The following TTC17 variants were observed in gnomAD, a reference collection of about 807,000 sequenced individuals.
TTC17 encodes tetratricopeptide repeat protein 17.
TTC17 carries 58 observed loss-of-function variants against 143.8 expected under a neutral mutation model. That is an observed-to-expected ratio of 0.40 (90% CI 0.33 to 0.50). The LOEUF is 0.50. Ranked by LOEUF, TTC17 falls within the 20% of genes least tolerant of loss-of-function variation. The probability of loss-of-function intolerance (pLI) is 0.49; values close to 1 mark genes in which losing one functional copy is unlikely to be tolerated. For missense variants in TTC17, 1,273 were observed against 1,392.5 expected, an observed-to-expected ratio of 0.91 and a Z score of 1.37; for synonymous variants, 501 against 497.8, an observed-to-expected ratio of 1.01 and a Z score of -0.09.
Position 43,358,998 on chromosome 11 carries a change from C to T in TTC17, c.44C>T (p.Pro15Leu). The T allele has an allele frequency of 2.5e-6, 4 of 1,585,692 alleles. No individual in the cohort carries two copies. Among genetic ancestry groups the T allele is most frequent in the South Asian group, 2.3e-5 (2 of 88,268 alleles). Residue 15 changes from proline to leucine, a missense_variant, in exon 1 of 24, where the codon CCT (proline) becomes CTT (leucine). Around this residue, in one of 3 missense-constraint regions of TTC17, gnomAD observed 70 missense variants for 48.5 expected, o/e 1.44. Coordinates refer to ENST00000039989, the MANE Select transcript of TTC17 (RefSeq NM_018259.6). ...GTTCGTGGCCGGTACGAGCTGCCGCCTTGCTCCGGCCCAGGCTGGCTCCTC... is the reference window on the plus strand; with the variant it reads ...GTTCGTGGCCGGTACGAGCTGCCGCTTTGCTCCGGCCCAGGCTGGCTCCTC... ...VGVRGRYELP[P>L]CSGPGWLLSL... is the part of the protein sequence containing the mutation.
At chr11:43,459,385 T>G (rs959808778) in intron 21 of TTC17, among the ~76,000 whole-genome samples, 9 of 152,254 alleles carry the variant, frequency 5.9e-5, no homozygotes, top group African/African-American at 1.7e-4. Context: ...GAGCTGTCTT[T>G]CCTTTTCCAT....
intron 21 of TTC17, among the ~76,000 whole-genome samples, chr11:43,464,574 G>T (rs1314776410): frequency 6.6e-6 from 1 of 152,088 alleles, no homozygotes; most frequent in Non-Finnish European, 1.5e-5. Context: ...TACAGATAAA[G>T]GGATTTTAAA....
intron 1 of TTC17, among the ~76,000 whole-genome samples, chr11:43,372,179 T>A (rs1022691915): frequency 1.3e-5 from 2 of 152,240 alleles, no homozygotes; most frequent in Non-Finnish European, 2.9e-5. Flanking sequence ...TTGATTCAAC[T>A]GTTCTGGAGA....
intron 21 of TTC17, among the ~76,000 whole-genome samples, chr11:43,488,050 G>C (rs1948410205): frequency 6.6e-6 from 1 of 152,098 alleles, no homozygotes; most frequent in Admixed American, 6.5e-5. Flanking sequence ...TATGAATTTT[G>C]GGGGAACATA....
chr11:43,464,886 G>A (rs1947940768), intron 21 of TTC17, among the ~76,000 whole-genome samples: 1 of 152,160 alleles, frequency 6.6e-6, no homozygotes, highest in African/African-American at 2.4e-5. Context: ...ACAGAGATGT[G>A]AGCCTAGTAC....
At chr11:43,435,086 GATA>G in intron 16 of TTC17, 1 of 117,622 alleles carries the variant, frequency 8.5e-6, no homozygotes, top group Non-Finnish European at 1.8e-5. Context: ...ATGATAGATA[GATA>G]GATAGATAGA....
chr11:43,493,576 A>G (rs1350565695), intron 23 of TTC17, among the ~76,000 whole-genome samples, 197 bp from the exon 24 acceptor site: 5 of 152,048 alleles, frequency 3.3e-5, no homozygotes, highest in Non-Finnish European at 7.4e-5. Flanking sequence ...CCCATACCTC[A>G]TTCCCATACC....
chr11:43,405,290 A>C (rs771001754), intron 11 of TTC17, among the ~76,000 whole-genome samples: 48 of 152,090 alleles, frequency 3.2e-4, no homozygotes, highest in Non-Finnish European at 1.3e-4. Context: ...TCACTGGCTC[A>C]ACTGGCTTAT....
At chr11:43,382,318 G>C (rs1857001330) in intron 2 of TTC17, among the ~76,000 whole-genome samples, 1 of 152,114 alleles carries the variant, frequency 6.6e-6, no homozygotes, top group Non-Finnish European at 1.5e-5. Flanking sequence ...AAACCTAGTG[G>C]AAGTTCATAG....
At position 43,405,852 on chromosome 11, in the gene TTC17, A is replaced by G; in HGVS notation, c.1662A>G (p.Ile554Met). The change falls in exon 13 of 24, where the codon ATA becomes ATG. Residue 554 changes from isoleucine to methionine, a missense_variant. Ile to Met is a conservative substitution (Grantham distance 10). Around this residue, in one of 3 missense-constraint regions of TTC17, gnomAD observed 878 missense variants for 899.8 expected, o/e 0.98. Coordinates refer to ENST00000039989, the MANE Select transcript of TTC17 (RefSeq NM_018259.6). ...EEEAQTPDCSITDFRKSHTLS... is the reference protein window; with the variant it reads ...EEEAQTPDCSMTDFRKSHTLS... The stretch of plus-strand genomic sequence containing the variant: ...AGGCCCAAACCCCTGACTGTTCCAT[A>G]ACTGACTTCAGAAAAAGCCACACTC... 1 of 1,614,022 alleles carries G rather than the reference A, an allele frequency of 6.2e-7. No individual in the cohort carries two copies. Among genetic ancestry groups the G allele is most frequent in the Non-Finnish European group, 8.5e-7 (1 of 1,179,932 alleles).
intron 2 of TTC17, 92 bp from the exon 3 acceptor site, chr11:43,389,560 G>A: frequency 7.6e-7 from 1 of 1,323,832 alleles, no homozygotes; most frequent in Non-Finnish European, 1.0e-6. Context: ...AGAGGATTCT[G>A]ACTTCTTCAG....
chr11:43,429,807 A>G (rs1404309881), intron 16 of TTC17, among the ~76,000 whole-genome samples: 1 of 152,210 alleles, frequency 6.6e-6, no homozygotes, highest in Non-Finnish European at 1.5e-5. Flanking sequence ...TGATGTCTGT[A>G]TTTTCCACAT....
intron 15 of TTC17, among the ~76,000 whole-genome samples, chr11:43,408,126 A>G (rs1460712038): frequency 6.6e-6 from 1 of 152,172 alleles, no homozygotes; most frequent in African/African-American, 2.4e-5. Context: ...ATATTTTAAC[A>G]TCTCTGATAT....
At chr11:43,473,846 GCA>G (rs1453589841) in intron 21 of TTC17, among the ~76,000 whole-genome samples, 4 of 147,866 alleles carry the variant, frequency 2.7e-5, no homozygotes, top group Admixed American at 6.9e-5. Flanking sequence ...TTGCACCCCT[GCA>G]CTTCAGCCTG....
intron 21 of TTC17, among the ~76,000 whole-genome samples, chr11:43,470,929 A>C (rs1419230105): frequency 6.6e-6 from 1 of 152,216 alleles, no homozygotes; most frequent in Non-Finnish European, 1.5e-5. Context: ...AAGGGTCCCC[A>C]TGTTCTTTTA....
intron 1 of TTC17, among the ~76,000 whole-genome samples, chr11:43,365,277 A>AT (rs1388360211): frequency 1.3e-5 from 2 of 151,328 alleles, no homozygotes; most frequent in Non-Finnish European, 2.9e-5. Flanking sequence ...GTTTTTTTTT[A>AT]TTTTTTGTAG....
chr11:43,486,504 T>G (rs1425060960), intron 21 of TTC17: 1 of 408,502 alleles, frequency 2.4e-6, no homozygotes, highest in Non-Finnish European at 5.1e-6. Flanking sequence ...AGTAAACTAA[T>G]GTATATTGTT....
chr11:43,446,104 G>C, intron 18 of TTC17: 1 of 1,448,932 alleles, frequency 6.9e-7, no homozygotes, highest in South Asian at 1.4e-5. Context: ...TGGTGTACAA[G>C]ACCCTTTACA....
intron 9 of TTC17, 89 bp from the exon 10 acceptor site, chr11:43,401,357 G>A: frequency 2.4e-6 from 2 of 823,186 alleles, no homozygotes; most frequent in Non-Finnish European, 2.0e-6. Context: ...GAGGGATACA[G>A]GGTTGATACT....
Sources: allele counts gnomAD v4.1 joint callset (sites outside exome capture counted in the v4.1 genomes callset), GRCh38; gene constraint gnomAD v4.1.1; regional missense constraint gnomAD v4.1.1; transcripts MANE v1.5; gene names NCBI Gene and HGNC (gene_info 2026-07-23, HGNC 2026-07-21).